Variants in FBXL17 observed in about 807,000 individuals in gnomAD.
FBXL17 encodes the protein F-box and leucine rich repeat protein 17, also known as F-box/LRR-repeat protein 17.
A neutral mutation model predicts 66.2 loss-of-function variants in FBXL17; 22 were observed. The ratio of observed to expected loss-of-function variants is 0.33; its 90% confidence interval spans 0.24 to 0.47. The LOEUF is 0.47. Among genes scored for constraint, FBXL17 ranks in the 20% least tolerant of loss-of-function variants. The pLI, the probability that FBXL17 is intolerant of heterozygous loss-of-function variation, is 1.00. For synonymous variants in FBXL17, 474 were observed against 400.5 expected, an observed-to-expected ratio of 1.18 and a Z score of -2.19; for missense variants, 878 against 948.2, an observed-to-expected ratio of 0.93 and a Z score of 0.97.
chr5:107,931,184 G>T (rs1288569507), intron 7 of FBXL17, among the ~76,000 whole-genome samples: 2 of 151,824 alleles, frequency 1.3e-5, no homozygotes, highest in South Asian at 2.1e-4. Flanking sequence ...TTGACTTGAT[G>T]TTGCTTTTGC....
intron 6 of FBXL17, among the ~76,000 whole-genome samples, chr5:108,039,992 A>T (rs1353909722): frequency 6.6e-6 from 1 of 152,176 alleles, no homozygotes; most frequent in African/African-American, 2.4e-5. Flanking sequence ...AGATCTTGGG[A>T]AACAAAATAG....
At chr5:108,243,762 T>C (rs1755968659) in intron 4 of FBXL17, among the ~76,000 whole-genome samples, 1 of 152,180 alleles carries the variant, frequency 6.6e-6, no homozygotes, top group Non-Finnish European at 1.5e-5. Flanking sequence ...AAATCTACCA[T>C]ACAGATCACT....
At chr5:107,912,411 T>C (rs1749979334) in intron 7 of FBXL17, among the ~76,000 whole-genome samples, 1 of 152,090 alleles carries the variant, frequency 6.6e-6, no homozygotes, top group South Asian at 2.1e-4. Flanking sequence ...GAAGAAGAGC[T>C]TAATGTTTAC....
intron 6 of FBXL17, among the ~76,000 whole-genome samples, chr5:108,097,720 C>T (rs1749433320): frequency 1.3e-5 from 2 of 149,866 alleles, no homozygotes; most frequent in Non-Finnish European, 3.0e-5. Flanking sequence ...ACCCGGGAGG[C>T]GGAAGCTGCA....
At chr5:108,145,821 CAAT>C (rs139233106) in intron 6 of FBXL17, among the ~76,000 whole-genome samples, 22,562 of 146,062 alleles carry the variant, frequency 0.15, 2,167 homozygotes, top group South Asian at 0.41. Flanking sequence ...GTTGCCTAAA[CAAT>C]AATAATAATA....
intron 4 of FBXL17, among the ~76,000 whole-genome samples, chr5:108,235,967 T>C (rs1363159803): frequency 6.6e-6 from 1 of 152,196 alleles, no homozygotes; most frequent in Non-Finnish European, 1.5e-5. Context: ...GGCTAAGAAT[T>C]AGATAAATGG....
intron 7 of FBXL17, among the ~76,000 whole-genome samples, chr5:107,934,833 A>G (rs1216077835): frequency 6.6e-6 from 1 of 152,182 alleles, no homozygotes; most frequent in East Asian, 1.9e-4. Context: ...TGCCCTAATG[A>G]CACAAACTTT....
intron 7 of FBXL17, among the ~76,000 whole-genome samples, chr5:108,000,016 T>C (rs1239788679): frequency 6.6e-6 from 1 of 152,218 alleles, no homozygotes; most frequent in Non-Finnish European, 1.5e-5. Context: ...ATCCTGGGAA[T>C]AGAGGTTATG....
At chr5:108,156,536 G>T (rs1218466657) in intron 6 of FBXL17, among the ~76,000 whole-genome samples, 1 of 151,674 alleles carries the variant, frequency 6.6e-6, no homozygotes, top group Non-Finnish European at 1.5e-5. Flanking sequence ...AAATTTCCTG[G>T]AGTAAAGAAA....
chr5:108,306,449 T>C (rs1208797836), intron 4 of FBXL17, among the ~76,000 whole-genome samples: 1 of 152,146 alleles, frequency 6.6e-6, no homozygotes, highest in Non-Finnish European at 1.5e-5. Context: ...TTTCTAACCT[T>C]GTACCTGAAA....
chr5:108,040,862 G>C (rs1484348858), intron 6 of FBXL17, among the ~76,000 whole-genome samples: 1 of 152,124 alleles, frequency 6.6e-6, no homozygotes, highest in South Asian at 2.1e-4. Context: ...CTTTGGCATT[G>C]TAAGAATGAT....
At chr5:108,213,111 G>A (rs550213980) in intron 5 of FBXL17, among the ~76,000 whole-genome samples, 27 of 152,152 alleles carry the variant, frequency 1.8e-4, no homozygotes, top group African/African-American at 6.5e-4. Flanking sequence ...GCTTAAAACC[G>A]CCTACTCAAG....
At chr5:107,997,233 T>C (rs974533217) in intron 7 of FBXL17, among the ~76,000 whole-genome samples, 2 of 152,236 alleles carry the variant, frequency 1.3e-5, no homozygotes, top group African/African-American at 4.8e-5. Flanking sequence ...CTAGGTATAT[T>C]TCTTTATCAG....
intron 1 of FBXL17, among the ~76,000 whole-genome samples, chr5:108,370,852 T>C (rs1304903498): frequency 1.3e-5 from 2 of 151,788 alleles, no homozygotes; most frequent in African/African-American, 2.4e-5. Flanking sequence ...ACAACTAAAA[T>C]ATCTGGACAA....
intron 7 of FBXL17, among the ~76,000 whole-genome samples, chr5:107,893,219 G>A (rs1354600649): frequency 6.6e-6 from 1 of 152,150 alleles, no homozygotes; most frequent in African/African-American, 2.4e-5. Flanking sequence ...CAGTTGAGGT[G>A]CATAGAATAA....
At chr5:108,130,559 G>A (rs1369924178) in intron 6 of FBXL17, among the ~76,000 whole-genome samples, 1 of 151,944 alleles carries the variant, frequency 6.6e-6, no homozygotes, top group African/African-American at 2.4e-5. Context: ...TAAAAACCCA[G>A]AACAAGCTCA....
At chr5:108,160,893 A>G (rs1391532558) in intron 6 of FBXL17, among the ~76,000 whole-genome samples, 3 of 152,086 alleles carry the variant, frequency 2.0e-5, no homozygotes, top group African/African-American at 7.2e-5. Flanking sequence ...CCGTCAACCC[A>G]GAGGATTTAT....
At position 107,899,044 on chromosome 5, in the gene FBXL17, G is replaced by C. The variant is rs187375341; in HGVS notation, c.1823-17865C>G. On this transcript the variant is annotated intron_variant, in intron 7 of 8. Coordinates refer to ENST00000542267, the MANE Select transcript of FBXL17 (RefSeq NM_001163315.3). ...TAGATCTTTGAGGAATTGCCATACTGACTTCCACAATGGTTGAACTAGTTT... is the reference window on the plus strand; with the variant it reads ...TAGATCTTTGAGGAATTGCCATACTCACTTCCACAATGGTTGAACTAGTTT... 2.1e-3 allele frequency among the ~76,000 whole-genome samples: 318 copies of C among 152,268 alleles called. 3 individuals are homozygous for C. Among genetic ancestry groups the C allele is most frequent in the South Asian group, 9.1e-3 (44 of 4,830 alleles).
At chr5:108,341,522 G>A (rs1446929780) in intron 4 of FBXL17, among the ~76,000 whole-genome samples, 2 of 152,014 alleles carry the variant, frequency 1.3e-5, no homozygotes, top group Admixed American at 6.6e-5. Context: ...GCATACAGCT[G>A]TTATTACTCC....
Sources: gnomAD v4.1 joint callset for allele counts (sites outside exome capture counted in the v4.1 genomes callset) on GRCh38, gnomAD v4.1.1 for gene constraint, MANE v1.5 for transcripts, NCBI Gene and HGNC (gene_info 2026-07-23, HGNC 2026-07-21) for gene names.